TARS1: variants seen among roughly 807,000 people sequenced by gnomAD.
TARS1 encodes the protein threonyl-tRNA synthetase 1, also known as threonine--tRNA ligase 1, cytoplasmic.
Under a neutral mutation model 97.7 loss-of-function variants are expected in TARS1, and 57 were observed. That is an observed-to-expected ratio of 0.58 (90% CI 0.47 to 0.73). The LOEUF (loss-of-function observed/expected upper bound fraction) is 0.73, where lower values mean the gene tolerates loss of function less well. TARS1 is among the 30% of genes least tolerant of loss of function. The pLI is 0.00. For missense variants in TARS1, 806 were observed against 888.3 expected (o/e 0.91, Z 1.18); for synonymous variants, 312 against 293.7 (o/e 1.06, Z -0.64).
In TARS1 at chr5:33,448,653, A is replaced by G. The variant is rs1741544589; in HGVS notation, c.251A>G (p.Lys84Arg). ...GCAGAAAAAGATAGCAAGCCAATTA[A>G]AGTCACTTTGCCTGATGGTAAACAG... ...EKAEKDSKPIKVTLPDGKQVD... is the reference protein window; with the variant it reads ...EKAEKDSKPIRVTLPDGKQVD... Residue 84 changes from lysine to arginine, a missense_variant, in exon 3 of 19, where the codon AAA becomes AGA. Physicochemically the swap from Lys to Arg is conservative, Grantham distance 26. This residue lies in a region of TARS1 where 356 missense variants were observed against 357.8 expected (regional missense o/e 0.99). Coordinates refer to ENST00000265112, the MANE Select transcript of TARS1 (RefSeq NM_152295.5). 6.2e-7 allele frequency: 1 copy of G among 1,613,968 alleles called. No individual in the cohort carries two copies. The highest frequency in any genetic ancestry group is 8.5e-7 in the Non-Finnish European group (1 of 1,179,934).
chr5:33,447,053 T>G (rs1011717532), intron 2 of TARS1, among the ~76,000 whole-genome samples: 49 of 152,266 alleles, frequency 3.2e-4, no homozygotes, highest in African/African-American at 1.2e-3. Context: ...GGAGAATCAC[T>G]GGAGCCCAGG....
At chr5:33,446,480 A>C (rs901102056) in intron 2 of TARS1, 11 of 378,498 alleles carry the variant, frequency 2.9e-5, no homozygotes, top group African/African-American at 6.3e-5. Flanking sequence ...TAAGACAAAG[A>C]GTATAATTAG....
At chr5:33,452,553 G>GAA in intron 3 of TARS1, 1 of 749,948 alleles carries the variant, frequency 1.3e-6, no homozygotes, top group Non-Finnish European at 2.2e-6. Context: ...ATCACTTGAT[G>GAA]ATACTTTATG....
upstream of TARS1, chr5:33,440,961 T>G: frequency 8.3e-7 from 1 of 1,208,120 alleles, no homozygotes; most frequent in Non-Finnish European, 1.2e-6. Flanking sequence ...TTAGGGCGCC[T>G]TTCGATTGCA....
chr5:33,457,231 G>T (rs1158729332), intron 8 of TARS1, 26 bp from the exon 9 acceptor site: 1 of 1,605,214 alleles, frequency 6.2e-7, no homozygotes, highest in Non-Finnish European at 8.5e-7. Context: ...TTTGAATGTT[G>T]TTTCATGGTT....
chr5:33,452,997 T>G (rs1295194380), intron 3 of TARS1, among the ~76,000 whole-genome samples: 2 of 152,062 alleles, frequency 1.3e-5, no homozygotes, highest in African/African-American at 4.8e-5. Flanking sequence ...AAATTAAGAT[T>G]ATTCAAACCA....
chr5:33,458,463 C>T (rs1168432661), intron 9 of TARS1, 103 bp from the exon 10 acceptor site: 1 of 839,190 alleles, frequency 1.2e-6, no homozygotes, highest in Non-Finnish European at 1.8e-6. Flanking sequence ...AAATATGGGA[C>T]ATCATGACCA....
At chr5:33,441,254 G>A in intron 1 of TARS1, 111 bp downstream of exon 1, 2 of 1,360,292 alleles carry the variant, frequency 1.5e-6, no homozygotes. Flanking sequence ...GGGACCGCGT[G>A]GGTCGGAGAA....
At chr5:33,459,663 G>A (rs1261379036) in intron 10 of TARS1, 32 bp from the exon 11 acceptor site, 2 of 1,610,532 alleles carry the variant, frequency 1.2e-6, no homozygotes, top group African/African-American at 2.7e-5. Flanking sequence ...GCATTTATTT[G>A]CCTACACATG....
Position 33,461,948 on chromosome 5 carries a change from T to A in TARS1, c.1672T>A (p.Cys558Ser), listed in dbSNP as rs368438540. Residue 558 changes from cysteine (C) to serine (S), a missense_variant, in exon 15 of 19, where the codon TGT becomes AGT. Coordinates refer to ENST00000265112, the MANE Select transcript of TARS1 (RefSeq NM_152295.5). ...IKDAIGRYHQCATIQLDFQLP... is the reference protein window; with the variant it reads ...IKDAIGRYHQSATIQLDFQLP... ...AGATGCGATTGGGCGGTACCACCAG[T>A]GTGCAACCATCCAGCTGGATTTCCA... 38 of 1,614,134 alleles carry A rather than the reference T, an allele frequency of 2.4e-5. No individual in the cohort carries two copies. Among genetic ancestry groups the A allele is most frequent in the Non-Finnish European group, 3.1e-5 (36 of 1,179,968 alleles).
Position 33,453,331 on chromosome 5 carries a change from T to A in TARS1, c.372T>A (p.Asn124Lys), listed in dbSNP as rs1741844548. The stretch of plus-strand genomic sequence containing the variant: ...ACACCGTTATTGCTAAAGTAAATAA[T>A]GTTGTGTGGGACCTGGACCGCCCTC... Reference protein sequence around the residue: ...ADNTVIAKVNNVVWDLDRPLE... With the variant: ...ADNTVIAKVNKVVWDLDRPLE... The change falls in exon 4 of 19, where the codon AAT (asparagine) becomes AAA (lysine). Residue 124 changes from asparagine to lysine, a missense_variant. Asn to Lys is a moderately conservative substitution (Grantham distance 94). Coordinates refer to ENST00000265112, the MANE Select transcript of TARS1 (RefSeq NM_152295.5). The A allele has an allele frequency of 6.2e-7, 1 of 1,611,248 alleles. No homozygotes were observed. Among genetic ancestry groups the A allele is most frequent in the Non-Finnish European group, 8.5e-7 (1 of 1,179,206 alleles).
At chr5:33,461,101 A>G in intron 12 of TARS1, 37 bp downstream of exon 12, 1 of 1,605,030 alleles carries the variant, frequency 6.2e-7, no homozygotes, top group Non-Finnish European at 8.5e-7. Context: ...TAGAAAGAAG[A>G]GTCAAGAAAG....
At chr5:33,450,528 C>T (rs931802053) in intron 3 of TARS1, among the ~76,000 whole-genome samples, 4 of 152,128 alleles carry the variant, frequency 2.6e-5, no homozygotes, top group African/African-American at 9.7e-5. Flanking sequence ...TACCTTACTC[C>T]AAAGGAAGTA....
At chr5:33,459,933 TAAC>T in intron 11 of TARS1, 72 bp downstream of exon 11, 1 of 1,510,468 alleles carries the variant, frequency 6.6e-7, no homozygotes, top group Non-Finnish European at 9.0e-7. Context: ...TTCCCTCCTT[TAAC>T]AACATTTTCA....
chr5:33,458,471 C>T (rs1475051773), intron 9 of TARS1, 95 bp from the exon 10 acceptor site: 13 of 978,734 alleles, frequency 1.3e-5, no homozygotes, highest in Non-Finnish European at 1.5e-6. Flanking sequence ...GACATCATGA[C>T]CATATTCTGA....
intron 2 of TARS1, among the ~76,000 whole-genome samples, chr5:33,447,208 T>C (rs1741462967): frequency 6.6e-6 from 1 of 152,164 alleles, no homozygotes; most frequent in South Asian, 2.1e-4. Flanking sequence ...TTAATCTTTT[T>C]CATTTGATAT....
Position 33,445,309 on chromosome 5 carries a change from T to C in TARS1, c.58-15T>C. ...CACATTAGATTAAAATATAAAACGT[T>C]TTTTGCTTATTTAGATTGGTGCTGG... On this transcript the variant is annotated splice_polypyrimidine_tract_variant and intron_variant, in intron 1 of 18. Transcript: ENST00000265112. 1 of 1,602,840 alleles carries C rather than the reference T, an allele frequency of 6.2e-7. No homozygotes were observed. Among genetic ancestry groups the C allele is most frequent in the East Asian group, 2.3e-5 (1 of 44,112 alleles).
intron 2 of TARS1, chr5:33,446,627 C>A: frequency 8.0e-7 from 1 of 1,250,910 alleles, no homozygotes; most frequent in Non-Finnish European, 1.0e-6. Flanking sequence ...AGGTTTTATT[C>A]ATCTCTGCAA....
Position 33,440,986 on chromosome 5 carries a change from C to T in TARS1, c.-101C>T, listed in dbSNP as rs557843727. ...TTTCGATTGCATCAGCTGGTCCAGC[C>T]GAGGCCAAGTCCCGGGCGCTAGCCC... On this transcript the variant is annotated 5_prime_UTR_variant, in exon 1 of 19. Transcript: ENST00000265112. The T allele has an allele frequency of 1.4e-6, 2 of 1,480,466 alleles. No individual in the cohort carries two copies. The highest frequency in any genetic ancestry group is 1.8e-5 in the Admixed American group (1 of 56,698). The allele number at this position is 1,480,466 out of a possible 1,614,324, so 91.7% of individuals were successfully genotyped here.
Sources: allele counts gnomAD v4.1 joint callset (sites outside exome capture counted in the v4.1 genomes callset), GRCh38; gene constraint gnomAD v4.1.1; regional missense constraint gnomAD v4.1.1; transcripts MANE v1.5; gene names NCBI Gene and HGNC (gene_info 2026-07-23, HGNC 2026-07-21).